Variants in LRRFIP1 observed in about 807,000 individuals in gnomAD.
LRRFIP1 encodes LRR binding FLII interacting protein 1.
LRRFIP1 carries 62 observed loss-of-function variants against 104.4 expected under a neutral mutation model. The observed-to-expected ratio is 0.59, with a 90% confidence interval of 0.48 to 0.73. The LOEUF is 0.73. Among genes scored for constraint, LRRFIP1 ranks in the 30% least tolerant of loss-of-function variants. The pLI is 0.00. For missense variants in LRRFIP1, 796 were observed against 824.5 expected, an observed-to-expected ratio of 0.97 and a Z score of 0.42; for synonymous variants, 300 against 299.0, an observed-to-expected ratio of 1.00 and a Z score of -0.03.
At chr2:237,695,214 C>CT (rs2093091603) in intron 1 of LRRFIP1, among the ~76,000 whole-genome samples, 1 of 152,168 alleles carries the variant, frequency 6.6e-6, no homozygotes, top group Non-Finnish European at 1.5e-5. Flanking sequence ...AAGATGGAGA[C>CT]TAAATTTCCC....
At chr2:237,638,707 A>T (rs189083143) in intron 1 of LRRFIP1, among the ~76,000 whole-genome samples, 51 of 152,372 alleles carry the variant, frequency 3.3e-4, no homozygotes, top group Admixed American at 1.4e-3. Context: ...ACCACAGTGC[A>T]TTTAAAGGTA....
At chr2:237,770,114 G>A (rs1220694941) in intron 20 of LRRFIP1, 122 bp downstream of exon 20, 16 of 731,752 alleles carry the variant, frequency 2.2e-5, no homozygotes, top group Middle Eastern at 2.3e-4. Context: ...TCTTTATCAA[G>A]CCAACTGGTG....
chr2:237,642,274 C>T (rs2084098502), intron 1 of LRRFIP1, among the ~76,000 whole-genome samples: 1 of 152,218 alleles, frequency 6.6e-6, no homozygotes. Flanking sequence ...CTTTCAGACT[C>T]AGAGGCCGAG....
At chr2:237,762,482 T>C (rs2059974249) in intron 19 of LRRFIP1, 1 of 790,016 alleles carries the variant, frequency 1.3e-6, no homozygotes, top group Non-Finnish European at 2.0e-6. Flanking sequence ...TCATGACTCT[T>C]TGATGACTCT....
chr2:237,758,696 T>G (rs752597327), intron 17 of LRRFIP1, 33 bp from the exon 18 acceptor site: 3 of 1,508,550 alleles, frequency 2.0e-6, no homozygotes, highest in Non-Finnish European at 2.7e-6. Flanking sequence ...TGTGCAAATC[T>G]TCTTCTTTCT....
chr2:237,683,148 G>A (rs2092013612), intron 1 of LRRFIP1, among the ~76,000 whole-genome samples: 1 of 152,190 alleles, frequency 6.6e-6, no homozygotes, highest in Non-Finnish European at 1.5e-5. Context: ...CAATCCTAGG[G>A]TTTCCCAAAA....
At chr2:237,642,194 C>T (rs575151038) in intron 1 of LRRFIP1, among the ~76,000 whole-genome samples, 1 of 152,318 alleles carries the variant, frequency 6.6e-6, no homozygotes, top group Admixed American at 6.5e-5. Context: ...TAGGATGGGC[C>T]TTCAGGGAAT....
In LRRFIP1 at chr2:237,699,978, A is replaced by C. The variant is rs186859278; in HGVS notation, c.97-8566A>C. Among the ~76,000 whole-genome samples the C allele has an allele frequency of 1.9e-3, 293 of 152,252 alleles. 1 individual carries two copies. Among genetic ancestry groups the C allele is most frequent in the African/African-American group, 6.8e-3 (283 of 41,532 alleles). ...CACATGAGCATTTCTTTTGGAACTG[A>C]GATACAGTGCACATCGCCTCTGGGG... is the stretch of plus-strand genomic sequence containing the variant. On this transcript the variant is annotated intron_variant, in intron 1 of 23. Coordinates refer to ENST00000308482, the MANE Select transcript of LRRFIP1 (RefSeq NM_001137550.2).
intron 1 of LRRFIP1, among the ~76,000 whole-genome samples, chr2:237,699,888 C>G (rs898737209): frequency 6.6e-6 from 1 of 152,252 alleles, no homozygotes; most frequent in African/African-American, 2.4e-5. Flanking sequence ...TGGTAACGAT[C>G]GTTCTCACAG....
rs987928215 is a variant in LRRFIP1, at chr2:237,627,856, G to A, written c.96+116G>A. The A allele has an allele frequency of 1.7e-4, 116 of 663,762 alleles. No homozygotes were observed. The African/African-American group carries it at 1.9e-3, about 11-fold the overall frequency. 41.1% of individuals were successfully genotyped at this position (663,762 alleles called of 1,614,324 possible). On this transcript the variant is annotated intron_variant, in intron 1 of 23. Transcript: ENST00000308482. ...TGTGCGTCTGTGCCACTGCGCGTCC[G>A]GCTCCAGGCGGGTGGGCCGGGCAGG... is the stretch of plus-strand genomic sequence containing the variant.
chr2:237,639,550 T>C (rs747454077), intron 1 of LRRFIP1, among the ~76,000 whole-genome samples: 5 of 152,162 alleles, frequency 3.3e-5, no homozygotes, highest in Admixed American at 2.6e-4. Flanking sequence ...CCAGAAATAA[T>C]GGGCCACTTC....
chr2:237,640,821 C>G (rs186827140), intron 1 of LRRFIP1, among the ~76,000 whole-genome samples: 21 of 152,152 alleles, frequency 1.4e-4, no homozygotes, highest in Non-Finnish European at 2.5e-4. Flanking sequence ...CTGTTCCCAG[C>G]GAGAGAAGCC....
rs531362372 is a variant in LRRFIP1, at chr2:237,750,967, A to G, written c.796-233A>G. Among the ~76,000 whole-genome samples, 43 of 152,336 alleles carry G rather than the reference A, an allele frequency of 2.8e-4. No homozygotes were observed. In the South Asian group the frequency reaches 8.7e-3, roughly 31 times the overall value. ...TTTTGTCTGTTTTTTAAACTGTGTA[A>G]AATCATATGAGATACACTAAAATTG... On this transcript the variant is annotated intron_variant, in intron 13 of 23. Coordinates refer to ENST00000308482, the MANE Select transcript of LRRFIP1 (RefSeq NM_001137550.2).
At chr2:237,657,377 A>G (rs956200480) in intron 1 of LRRFIP1, among the ~76,000 whole-genome samples, 1 of 152,234 alleles carries the variant, frequency 6.6e-6, no homozygotes, top group African/African-American at 2.4e-5. Context: ...CATAAAGAAG[A>G]GTCGAATCTC....
In LRRFIP1 at chr2:237,719,539, A is replaced by C. The variant is rs1008800327; in HGVS notation, c.266A>C (p.Tyr89Ser). The C allele has an allele frequency of 1.9e-6, 3 of 1,613,446 alleles. No homozygotes were observed. In the South Asian group the frequency reaches 3.3e-5, roughly 18 times the overall value. The change falls in exon 5 of 24, where the codon TAC becomes TCC. Residue 89 changes from tyrosine (Y) to serine (S), a missense_variant. Physicochemically the swap from Tyr to Ser is moderately radical, Grantham distance 144. Coordinates refer to ENST00000308482, the MANE Select transcript of LRRFIP1 (RefSeq NM_001137550.2). ...CATTGTTAGGAAGACAGTGAGCGCT[A>C]CTCTCGTAGATCCAGAAGAAACACA... ...IEQWMEDSERYSRRSRRNTSA... is the reference protein window; with the variant it reads ...IEQWMEDSERSSRRSRRNTSA...
chr2:237,710,893 C>T (rs1021787235), intron 2 of LRRFIP1, among the ~76,000 whole-genome samples: 3 of 151,924 alleles, frequency 2.0e-5, no homozygotes, highest in Admixed American at 6.6e-5. Flanking sequence ...CCCAGCCACA[C>T]GAAAAGAAAA....
rs1223832230 is a variant in LRRFIP1 at position 237,750,302 on chromosome 2, CT to C, written c.796-893del. ...TCCTTGTTGCTTCCCTTTTTTTTTC[CT>C]TTTTCTTTTCTTTTCTTTCTTTCTT... On this transcript the variant is annotated intron_variant, in intron 13 of 23. Transcript: ENST00000308482. Among the ~76,000 whole-genome samples the C allele has an allele frequency of 4.4e-3, 598 of 136,126 alleles. 3 individuals are homozygous for C. Among genetic ancestry groups the C allele is most frequent in the African/African-American group, 0.017 (567 of 32,700 alleles). The allele number at this position is 136,126 out of a possible 152,430, so 89.3% of individuals were successfully genotyped here.
intron 11 of LRRFIP1, among the ~76,000 whole-genome samples, chr2:237,740,690 A>G (rs1160716412): frequency 6.6e-6 from 1 of 152,112 alleles, no homozygotes; most frequent in East Asian, 1.9e-4. Context: ...CTCGCACCTG[A>G]TACCTGCATT....
At chr2:237,756,217 CT>C in intron 16 of LRRFIP1, 30 bp downstream of exon 16, 4 of 1,555,844 alleles carry the variant, frequency 2.6e-6, no homozygotes, top group Non-Finnish European at 3.5e-6. Context: ...TTTTCTTTTC[CT>C]TTTTTCCCTT....
Sources: gnomAD v4.1 joint callset for allele counts (sites outside exome capture counted in the v4.1 genomes callset) on GRCh38, gnomAD v4.1.1 for gene constraint, MANE v1.5 for transcripts, NCBI Gene and HGNC (gene_info 2026-07-23, HGNC 2026-07-21) for gene names.